Variants in ZNF624 observed in about 807,000 individuals in gnomAD.
ZNF624 encodes zinc finger protein 624.
Under a neutral mutation model 74.7 loss-of-function variants are expected in ZNF624, and 43 were observed. That is an observed-to-expected ratio of 0.58 (90% CI 0.45 to 0.74). The LOEUF (loss-of-function observed/expected upper bound fraction) is 0.74. ZNF624 is among the 30% of genes least tolerant of loss of function. ZNF624 has a pLI of 0.00. For synonymous variants in ZNF624, 331 were observed against 341.3 expected (o/e 0.97, Z 0.33); for missense variants, 820 against 1,030.0 (o/e 0.80, Z 2.79).
intron 3 of ZNF624, among the ~76,000 whole-genome samples, chr17:16,635,099 C>G (rs528273609): frequency 6.6e-6 from 1 of 152,180 alleles, no homozygotes; most frequent in East Asian, 1.9e-4. Flanking sequence ...TACTTGATAA[C>G]AGCCAGCAGT....
intron 3 of ZNF624, among the ~76,000 whole-genome samples, chr17:16,641,826 A>G (rs2142633583): frequency 6.6e-6 from 1 of 152,384 alleles, no homozygotes; most frequent in African/African-American, 2.4e-5. Context: ...CAAGATCTAT[A>G]TGTGTGTGTT....
In ZNF624 at chr17:16,621,000, C is replaced by T. The variant is rs1908896946; in HGVS notation, c.*1288G>A. On this transcript the variant is annotated 3_prime_UTR_variant, in exon 6 of 6. Coordinates refer to ENST00000311331, the MANE Select transcript of ZNF624 (RefSeq NM_020787.4). Reference sequence around the variant, plus strand: ...TCCCCTTCCCTTATCTCTACTTCTCCTTTTCTCACTCCCCTCAAGGTAATC... The same window carrying T: ...TCCCCTTCCCTTATCTCTACTTCTCTTTTTCTCACTCCCCTCAAGGTAATC... 6.6e-6 allele frequency: 1 copy of T among 152,056 alleles called. No homozygotes were observed. The highest frequency in any genetic ancestry group is 2.4e-5 in the African/African-American group (1 of 41,400). 9.4% of individuals were successfully genotyped at this position (152,056 alleles called of 1,614,324 possible).
At chr17:16,637,290 C>T (rs1043752275) in intron 3 of ZNF624, among the ~76,000 whole-genome samples, 6 of 152,118 alleles carry the variant, frequency 3.9e-5, no homozygotes, top group African/African-American at 1.4e-4. Flanking sequence ...GGCCATACTG[C>T]CCAAGGTAAT....
At chr17:16,633,300 A>G (rs563017617) in intron 5 of ZNF624, among the ~76,000 whole-genome samples, 1 of 152,318 alleles carries the variant, frequency 6.6e-6, no homozygotes, top group East Asian at 1.9e-4. Flanking sequence ...TAGATGTATA[A>G]TATTGATTAA....
At chr17:16,652,179 C>T (rs1458595282) in intron 1 of ZNF624, among the ~76,000 whole-genome samples, 1 of 152,148 alleles carries the variant, frequency 6.6e-6, no homozygotes, top group Non-Finnish European at 1.5e-5. Context: ...ATCTGAGAAT[C>T]TGACCTTGTC....
At chr17:16,619,941 G>A (rs1476513473), downstream of ZNF624, among the ~76,000 whole-genome samples, 1 of 152,194 alleles carries the variant, frequency 6.6e-6, no homozygotes, top group Non-Finnish European at 1.5e-5. Flanking sequence ...CTTTCAGTCA[G>A]AAAGTGGCAC....
rs557693077 is a variant in ZNF624 at position 16,621,984 on chromosome 17, G to T, written c.*304C>A. 5.4e-6 allele frequency: 1 copy of T among 185,210 alleles called. No homozygotes were observed. Among genetic ancestry groups the T allele is most frequent in the South Asian group, 1.7e-4 (1 of 5,786 alleles). 11.5% of individuals were successfully genotyped at this position (185,210 alleles called of 1,614,324 possible). A position where few individuals can be genotyped will look rare whatever the true frequency, so the allele number is the denominator to read the frequency against. ...AAGCACCTCCAGGTTTATAAGAAAA[G>T]ACAGATAAATGAATAGAAAAATAGG... On this transcript the variant is annotated 3_prime_UTR_variant, in exon 6 of 6. Transcript: ENST00000311331.
downstream of ZNF624, chr17:16,616,934 G>A: frequency 6.4e-7 from 1 of 1,554,216 alleles, no homozygotes; most frequent in Non-Finnish European, 8.8e-7. Context: ...TTTGGTGGAG[G>A]GGACACAGAG....
At chr17:16,641,156 C>T (rs1284189241) in intron 3 of ZNF624, among the ~76,000 whole-genome samples, 1 of 152,186 alleles carries the variant, frequency 6.6e-6, no homozygotes, top group African/African-American at 2.4e-5. Flanking sequence ...CATCATCAAC[C>T]TGATAAAGAC....
chr17:16,651,537 GAGA>G (rs1196110916), intron 1 of ZNF624, among the ~76,000 whole-genome samples: 3 of 152,228 alleles, frequency 2.0e-5, no homozygotes, highest in Non-Finnish European at 2.9e-5. Context: ...GAGAAACAAT[GAGA>G]AGTTGAGGGA....
Position 16,622,999 on chromosome 17 carries a change from C to G in ZNF624, c.1887G>C (p.Glu629Asp). Residue 629 changes from glutamate to aspartate, a missense_variant, in exon 6 of 6, where the codon GAG becomes GAC. Glu to Asp is a conservative substitution (Grantham distance 45). Transcript: ENST00000311331. ...RAFTKMVNLK[E>D]HQKIHTGVKP... ...TCACTCCAGTATGAATTTTCTGATG[C>G]TCCTTGAGATTTACCATTTTGGTGA... 6.2e-7 allele frequency: 1 copy of G among 1,613,746 alleles called. No homozygotes were observed. Among genetic ancestry groups the G allele is most frequent in the South Asian group, 1.1e-5 (1 of 91,016 alleles).
chr17:16,646,797 G>A (rs1909603548), intron 3 of ZNF624, among the ~76,000 whole-genome samples: 1 of 152,188 alleles, frequency 6.6e-6, no homozygotes, highest in Non-Finnish European at 1.5e-5. Flanking sequence ...TGCTATGTCA[G>A]ATAACCCTTA....
At chr17:16,642,159 C>T (rs944280846) in intron 3 of ZNF624, among the ~76,000 whole-genome samples, 3 of 151,994 alleles carry the variant, frequency 2.0e-5, no homozygotes, top group African/African-American at 7.3e-5. Context: ...AAAGCTGATC[C>T]TAAAATTCAT....
chr17:16,647,594 ACG>A, intron 2 of ZNF624, among the ~76,000 whole-genome samples, 200 bp from the exon 3 acceptor site: 1 of 152,344 alleles, frequency 6.6e-6, no homozygotes, highest in African/African-American at 2.4e-5. Context: ...TGACAAACAC[ACG>A]TAAGATTGAA....
Position 16,623,416 on chromosome 17 carries a change from A to G in ZNF624, c.1470T>C (p.His490=), listed in dbSNP as rs1208701191. The change falls in exon 6 of 6, where the codon CAT becomes CAC. Residue 490 remains histidine, a synonymous_variant. Transcript: ENST00000311331. This position sits in a 1 kb window ranked among gnomAD's most constrained non-coding sequence, Gnocchi z 5.3. Reference sequence around the variant, plus strand: ...GTTTTTCCCCAGTGTGAGTTCTTATATGTACGATAAGGCTTGAATTACTTC... The same window carrying G: ...GTTTTTCCCCAGTGTGAGTTCTTATGTGTACGATAAGGCTTGAATTACTTC... ...AYRSNSSLIV[H]IRTHTGEKPY... is the part of the protein sequence containing the mutation. The G allele has an allele frequency of 1.2e-6, 2 of 1,614,020 alleles. No homozygotes were observed. The highest frequency in any genetic ancestry group is 2.2e-5 in the East Asian group (1 of 44,858).
At position 16,634,666 on chromosome 17, in the gene ZNF624, C is replaced by T. The variant is rs753219944; in HGVS notation, c.244G>A (p.Val82Met). 6.2e-7 allele frequency: 1 copy of T among 1,613,814 alleles called. No homozygotes were observed. Among genetic ancestry groups the T allele is most frequent in the South Asian group, 1.1e-5 (1 of 91,060 alleles). Residue 82 changes from valine (V) to methionine (M), a missense_variant, in exon 4 of 6, where the codon GTG (valine) becomes ATG (methionine). By Grantham distance (21) the Val-to-Met change is conservative (BLOSUM62 1). Transcript: ENST00000311331. ...DPTQRNLHKD[V>M]MLENYRNLVS... Reference sequence around the variant, plus strand: ...AGATTCCTGTAATTCTCTAGCATCACATCCTTGTGCAGGTTCCTCTGTGTA... The same window carrying T: ...AGATTCCTGTAATTCTCTAGCATCATATCCTTGTGCAGGTTCCTCTGTGTA...
chr17:16,652,048 G>C (rs1483795116), intron 1 of ZNF624, among the ~76,000 whole-genome samples: 1 of 152,030 alleles, frequency 6.6e-6, no homozygotes, highest in Admixed American at 6.6e-5. Context: ...TGGAGAATAA[G>C]GAATTACTTA....
intron 3 of ZNF624, among the ~76,000 whole-genome samples, chr17:16,634,981 T>C (rs974521295): frequency 2.6e-5 from 4 of 152,202 alleles, no homozygotes; most frequent in African/African-American, 9.7e-5. Flanking sequence ...GATAGCAGAA[T>C]TTCTTTTCAG....
chr17:16,628,901 A>C (rs926449069), intron 5 of ZNF624, among the ~76,000 whole-genome samples: 3 of 152,212 alleles, frequency 2.0e-5, no homozygotes, highest in African/African-American at 7.2e-5. Context: ...AAAAGCAGCC[A>C]AAAAAAGAGA....
Sources: allele counts gnomAD v4.1 joint callset (sites outside exome capture counted in the v4.1 genomes callset), GRCh38; gene constraint gnomAD v4.1.1; non-coding constraint Gnocchi (gnomAD v3.1); transcripts MANE v1.5; gene names NCBI Gene and HGNC (gene_info 2026-07-23, HGNC 2026-07-21).